ZFAT: variants seen among roughly 807,000 people sequenced by gnomAD.
ZFAT encodes the protein zinc finger protein ZFAT.
Under a neutral mutation model 117.7 loss-of-function variants are expected in ZFAT, and 64 were observed. The ratio of observed to expected loss-of-function variants is 0.54; its 90% CI spans 0.44 to 0.67. ZFAT has a LOEUF of 0.67. Among genes scored for constraint, ZFAT ranks in the 30% least tolerant of loss-of-function variants. ZFAT has a pLI of 0.00. For missense variants in ZFAT, 1,433 were observed against 1,584.5 expected, an observed-to-expected ratio of 0.90 and a Z score of 1.62; for synonymous variants, 679 against 615.0, an observed-to-expected ratio of 1.10 and a Z score of -1.54.
the ZFAT span, among the ~76,000 whole-genome samples, chr8:134,742,603 C>T: frequency 6.6e-6 from 1 of 152,184 alleles, no homozygotes; most frequent in Non-Finnish European, 1.5e-5. Context: ...TCTCCAGACT[C>T]GCATCCGCCC....
Position 134,583,881 on chromosome 8 carries a change from G to A in ZFAT, c.2838C>T (p.Phe946=). Residue 946 remains phenylalanine, a synonymous_variant, in exon 10 of 16, where the codon TTC becomes TTT. Coordinates refer to ENST00000377838, the MANE Select transcript of ZFAT (RefSeq NM_020863.4). ...GACTTTTCAGTGTCCCTTTTGATTT[G>A]AATTTCTTGCCACACATGTCACATA... is the stretch of plus-strand genomic sequence containing the variant. ...THLCDMCGKK[F]KSKGTLKSHK... The A allele has an allele frequency of 6.2e-7, 1 of 1,612,934 alleles. No individual in the cohort carries two copies. Among genetic ancestry groups the A allele is most frequent in the South Asian group, 1.1e-5 (1 of 90,622 alleles).
chr8:134,484,727 T>C (rs201674001), intron 15 of ZFAT, among the ~76,000 whole-genome samples: 2 of 152,212 alleles, frequency 1.3e-5, no homozygotes, highest in African/African-American at 4.8e-5. Context: ...ATGTCTAGCA[T>C]GGCACCTGGG....
At chr8:134,500,690 C>T (rs768009145) in intron 15 of ZFAT, among the ~76,000 whole-genome samples, 1 of 152,006 alleles carries the variant, frequency 6.6e-6, no homozygotes, top group South Asian at 2.1e-4. Context: ...TTAGTTAAGA[C>T]AAAGAAAAAG....
At chr8:134,494,917 T>C (rs1480337212) in intron 15 of ZFAT, among the ~76,000 whole-genome samples, 1 of 152,194 alleles carries the variant, frequency 6.6e-6, no homozygotes, top group Non-Finnish European at 1.5e-5. Context: ...TCCGATCTTA[T>C]GCTGAAACCC....
At chr8:134,733,802 G>A in the ZFAT span, among the ~76,000 whole-genome samples, 2 of 152,260 alleles carry the variant, frequency 1.3e-5, no homozygotes, top group African/African-American at 4.8e-5. Flanking sequence ...CTTGAGGGAT[G>A]TTTTGTGCAT....
chr8:134,627,963 C>T (rs186177888), intron 3 of ZFAT, among the ~76,000 whole-genome samples: 36 of 152,294 alleles, frequency 2.4e-4, no homozygotes, highest in African/African-American at 7.7e-4. Flanking sequence ...AGTTTGGAGA[C>T]AAATACACAC....
chr8:134,517,626 G>T (rs1373295181), intron 13 of ZFAT, among the ~76,000 whole-genome samples: 2 of 152,088 alleles, frequency 1.3e-5, no homozygotes, highest in Non-Finnish European at 2.9e-5. Flanking sequence ...GATTCCTCCG[G>T]TTTTCTCATT....
chr8:134,717,840 G>A (rs563482206), upstream of ZFAT, among the ~76,000 whole-genome samples: 4 of 151,888 alleles, frequency 2.6e-5, no homozygotes, highest in South Asian at 2.1e-4. Flanking sequence ...GATTACAAGC[G>A]CTTGCCACCA....
chr8:134,817,393 CT>C, the ZFAT span, among the ~76,000 whole-genome samples: 8 of 90,270 alleles, frequency 8.9e-5, no homozygotes, highest in East Asian at 5.5e-4. Flanking sequence ...CTCTCTCTCT[CT>C]ACACACACAC....
At chr8:134,494,332 G>A (rs1330667308) in intron 15 of ZFAT, among the ~76,000 whole-genome samples, 4 of 151,918 alleles carry the variant, frequency 2.6e-5, no homozygotes, top group African/African-American at 7.3e-5. Context: ...TGCAGGCCCC[G>A]GCCTTTCTCT....
intron 3 of ZFAT, among the ~76,000 whole-genome samples, chr8:134,615,285 C>T (rs1219072329): frequency 1.3e-5 from 2 of 152,158 alleles, no homozygotes; most frequent in Admixed American, 1.3e-4. Flanking sequence ...CTCCGGAGTT[C>T]AAGTGATTCT....
At chr8:134,553,781 G>A (rs1760390117) in intron 11 of ZFAT, among the ~76,000 whole-genome samples, 1 of 152,178 alleles carries the variant, frequency 6.6e-6, no homozygotes, top group Non-Finnish European at 1.5e-5. Flanking sequence ...GGCAAGAAGA[G>A]GTACTTCTTT....
intron 14 of ZFAT, among the ~76,000 whole-genome samples, chr8:134,511,292 C>G (rs1033378378): frequency 6.6e-6 from 1 of 152,028 alleles, no homozygotes; most frequent in Non-Finnish European, 1.5e-5. Flanking sequence ...GACAGACAGG[C>G]TGCATCTTGT....
At chr8:134,568,945 C>T (rs752852695) in intron 10 of ZFAT, among the ~76,000 whole-genome samples, 1 of 152,146 alleles carries the variant, frequency 6.6e-6, no homozygotes, top group South Asian at 2.1e-4. Context: ...AGTATTTACT[C>T]GAGGTGAGAT....
At chr8:134,832,154 G>T in the ZFAT span, among the ~76,000 whole-genome samples, 3 of 150,584 alleles carry the variant, frequency 2.0e-5, no homozygotes, top group Non-Finnish European at 3.0e-5. Flanking sequence ...GGGGGGCAGG[G>T]GGCGCGGCGA....
chr8:134,758,239 C>T, the ZFAT span, among the ~76,000 whole-genome samples: 1 of 152,170 alleles, frequency 6.6e-6, no homozygotes, highest in South Asian at 2.1e-4. Flanking sequence ...GAGTTCTTTG[C>T]TAGAAAGCAT....
the ZFAT span, among the ~76,000 whole-genome samples, chr8:134,719,078 C>T: frequency 6.8e-4 from 103 of 152,310 alleles, no homozygotes; most frequent in Non-Finnish European, 1.1e-3. Context: ...GGAAAGAAAC[C>T]GGCTAGAGCA....
chr8:134,488,878 G>C (rs913762168), intron 15 of ZFAT, among the ~76,000 whole-genome samples: 2 of 151,880 alleles, frequency 1.3e-5, no homozygotes, highest in African/African-American at 2.4e-5. Context: ...GAAAAGCACC[G>C]GGCAGAGCAA....
intron 10 of ZFAT, 29 bp from the exon 11 acceptor site, chr8:134,565,450 G>A (rs185469312): frequency 4.9e-5 from 78 of 1,605,192 alleles, no homozygotes; most frequent in African/African-American, 4.8e-4. Flanking sequence ...CAAGATGAGC[G>A]TCGCCAGGCC....
Sources: allele counts gnomAD v4.1 joint callset (sites outside exome capture counted in the v4.1 genomes callset), GRCh38; gene constraint gnomAD v4.1.1; transcripts MANE v1.5; gene names NCBI Gene and HGNC (gene_info 2026-07-23, HGNC 2026-07-21).